TXNL4A: variants seen among roughly 807,000 people sequenced by gnomAD.
TXNL4A encodes thioredoxin-like protein 4A.
Under a neutral mutation model 14.6 loss-of-function variants are expected in TXNL4A, and 17 were observed. The observed-to-expected ratio is 1.16, with a 90% CI of 0.80 to 1.74. The LOEUF (loss-of-function observed/expected upper bound fraction) is 1.74. TXNL4A is among the 40% of genes most tolerant of loss of function. The pLI, the probability that TXNL4A is intolerant of heterozygous loss-of-function variation, is 0.00. For missense variants in TXNL4A, 74 were observed against 195.2 expected (o/e 0.38, Z 3.70); for synonymous variants, 83 against 70.6 (o/e 1.18, Z -0.88).
At chr18:79,991,767 T>C (rs534501012), upstream of TXNL4A, among the ~76,000 whole-genome samples, 5 of 152,376 alleles carry the variant, frequency 3.3e-5, no homozygotes, top group African/African-American at 1.2e-4. Context: ...ATGCTTGTTA[T>C]TTATGTACCT....
At chr18:79,988,162 C>T in intron 1 of TXNL4A, 78 bp downstream of exon 1, 1 of 1,333,158 alleles carries the variant, frequency 7.5e-7, no homozygotes, top group Non-Finnish European at 9.8e-7. Context: ...CTCGCGCCCC[C>T]AGGCGACGCC....
At chr18:80,013,094 A>G (rs914118463) in intron 1 of TXNL4A, among the ~76,000 whole-genome samples, 1 of 147,864 alleles carries the variant, frequency 6.8e-6, no homozygotes, top group Non-Finnish European at 1.5e-5. Flanking sequence ...GAGAGAGAAC[A>G]AAAAAAATTA....
intron 1 of TXNL4A, among the ~76,000 whole-genome samples, chr18:79,987,302 AGT>A (rs2051565773): frequency 6.6e-6 from 1 of 152,250 alleles, no homozygotes; most frequent in South Asian, 2.1e-4. Flanking sequence ...CAGGCCAGAT[AGT>A]CTTTCCTTTC....
chr18:80,033,293 CCACACA>C (rs34008719), intron 1 of TXNL4A, among the ~76,000 whole-genome samples: 93 of 150,960 alleles, frequency 6.2e-4, no homozygotes, highest in Middle Eastern at 3.4e-3. Context: ...CCACACGCGC[CCACACA>C]CACACACACA....
At chr18:79,988,634 A>T, upstream of TXNL4A, 4 of 347,610 alleles carry the variant, frequency 1.2e-5, no homozygotes, top group Non-Finnish European at 1.5e-5. Flanking sequence ...TGCTGACGGC[A>T]TGTGCGTATA....
chr18:80,026,172 C>T (rs2051883119), intron 1 of TXNL4A, among the ~76,000 whole-genome samples: 1 of 152,218 alleles, frequency 6.6e-6, no homozygotes, highest in East Asian at 1.9e-4. Flanking sequence ...ATAGCCAGAA[C>T]TAATGAACTG....
intron 1 of TXNL4A, among the ~76,000 whole-genome samples, chr18:80,014,664 G>A (rs1351736972): frequency 6.6e-6 from 1 of 152,114 alleles, no homozygotes; most frequent in Non-Finnish European, 1.5e-5. Flanking sequence ...CAGGTAGACG[G>A]TGCAAACTGT....
chr18:79,999,975 T>C (rs1014289969), intron 1 of TXNL4A, among the ~76,000 whole-genome samples: 1 of 152,164 alleles, frequency 6.6e-6, no homozygotes. Flanking sequence ...CCTTCCACCA[T>C]GATTGTGAGG....
chr18:79,984,719 T>C (rs575025762), intron 1 of TXNL4A, among the ~76,000 whole-genome samples: 1 of 152,308 alleles, frequency 6.6e-6, no homozygotes, highest in East Asian at 1.9e-4. Flanking sequence ...GAGCTCATAC[T>C]CTGTCTTAGC....
intron 1 of TXNL4A, among the ~76,000 whole-genome samples, chr18:80,023,554 T>C (rs2145127260): frequency 6.6e-6 from 1 of 152,170 alleles, no homozygotes; most frequent in East Asian, 1.9e-4. Context: ...ACTTGTCTTA[T>C]AAAGGAACTG....
chr18:80,015,988 AG>A (rs2051806422), intron 1 of TXNL4A, among the ~76,000 whole-genome samples: 1 of 137,862 alleles, frequency 7.3e-6, no homozygotes, highest in Non-Finnish European at 1.6e-5. Flanking sequence ...ACAGTGTAAA[AG>A]TGTTCCTATT....
intron 1 of TXNL4A, among the ~76,000 whole-genome samples, chr18:80,024,594 C>T (rs2051872067): frequency 6.6e-6 from 1 of 152,180 alleles, no homozygotes; most frequent in African/African-American, 2.4e-5. Flanking sequence ...CACCTTGCTT[C>T]CCTCAGCCTT....
rs1419056099 is a variant in TXNL4A at position 79,973,612 on chromosome 18, G to C, written c.*73C>G. The C allele has an allele frequency of 2.0e-6, 3 of 1,522,118 alleles. No individual in the cohort carries two copies. Among genetic ancestry groups the C allele is most frequent in the Non-Finnish European group, 2.6e-6 (3 of 1,136,164 alleles). 94.3% of individuals were successfully genotyped at this position (1,522,118 alleles called of 1,614,324 possible). A position where few individuals can be genotyped will look rare whatever the true frequency, so the allele number is the denominator to read the frequency against. On this transcript the variant is annotated 3_prime_UTR_variant, in exon 3 of 3. Coordinates refer to ENST00000269601, the MANE Select transcript of TXNL4A (RefSeq NM_006701.5). ...CCTGGAGCTTCCTGTATTTTCCAAA[G>C]GCTTTAAATAGCTTAAAACGTTTCC...
intron 1 of TXNL4A, among the ~76,000 whole-genome samples, chr18:79,996,546 T>G (rs533126776): frequency 1.3e-5 from 2 of 152,344 alleles, no homozygotes; most frequent in East Asian, 3.9e-4. Context: ...GTCAATCTTT[T>G]GGGCTGTGAT....
chr18:79,990,986 T>C (rs555005062), upstream of TXNL4A, among the ~76,000 whole-genome samples: 328 of 151,788 alleles, frequency 2.2e-3, 1 homozygote, highest in Middle Eastern at 6.8e-3. Context: ...CGGGCGCCTG[T>C]AGTCCCAGCT....
chr18:80,030,628 T>C (rs2051914666), intron 1 of TXNL4A: 1 of 152,242 alleles, frequency 6.6e-6, no homozygotes, highest in African/African-American at 2.4e-5. Flanking sequence ...TTTGGTATCC[T>C]TCATGCTGGC....
intron 1 of TXNL4A, among the ~76,000 whole-genome samples, chr18:80,024,488 A>G (rs1194293473): frequency 1.3e-5 from 2 of 150,856 alleles, no homozygotes; most frequent in Admixed American, 6.6e-5. Context: ...GTGTGTGTGT[A>G]TGTGTATATG....
In TXNL4A at chr18:80,011,046, G is replaced by A. The variant is rs2051766563; in HGVS notation, c.-61+22805C>T. On this transcript the variant is annotated intron_variant, in intron 1 of 2. Transcript: ENST00000585474. This position sits in a 1 kb window ranked among gnomAD's most constrained non-coding sequence, Gnocchi z 4.1. ...GGGTTCCTCCTGGGGTTGGTTTAAGGGTCCGCGGAAGAAAGGCACATCCAT... is the reference window on the plus strand; with the variant it reads ...GGGTTCCTCCTGGGGTTGGTTTAAGAGTCCGCGGAAGAAAGGCACATCCAT... 6.6e-6 allele frequency among the ~76,000 whole-genome samples: 1 copy of A among 152,000 alleles called. No homozygotes were observed. Among genetic ancestry groups the A allele is most frequent in the Non-Finnish European group, 1.5e-5 (1 of 67,978 alleles).
chr18:80,001,042 G>A (rs1179955648), intron 1 of TXNL4A, among the ~76,000 whole-genome samples: 1 of 152,204 alleles, frequency 6.6e-6, no homozygotes, highest in African/African-American at 2.4e-5. Context: ...AGGCCTAGTA[G>A]GAAAAAATGT....
Sources: gnomAD v4.1 joint callset for allele counts (sites outside exome capture counted in the v4.1 genomes callset) on GRCh38, gnomAD v4.1.1 for gene constraint, Gnocchi (gnomAD v3.1) non-coding constraint, MANE v1.5 for transcripts, NCBI Gene and HGNC (gene_info 2026-07-23, HGNC 2026-07-21) for gene names.